The following CACNA1E variants were observed in gnomAD, a reference collection of about 807,000 sequenced individuals.
The protein encoded by CACNA1E is voltage-dependent R-type calcium channel subunit alpha-1E.
CACNA1E carries 40 observed loss-of-function variants against 259.2 expected under a neutral mutation model. The observed-to-expected ratio is 0.15, with a 90% CI of 0.12 to 0.20. The LOEUF (loss-of-function observed/expected upper bound fraction) is 0.20, where lower values mean the gene tolerates loss of function less well. CACNA1E is among the 10% of genes least tolerant of loss of function. The pLI is 1.00. For synonymous variants in CACNA1E, 1,104 were observed against 1,138.5 expected (o/e 0.97, Z 0.61); for missense variants, 1,874 against 3,040.1 (o/e 0.62, Z 9.02).
rs1039597242 is a variant in CACNA1E at position 181,461,760 on chromosome 1, C to T, written c.435-21984C>T. Among the ~76,000 whole-genome samples the T allele has an allele frequency of 4.6e-5, 7 of 151,794 alleles. No homozygotes were observed. In the South Asian group the frequency reaches 1.5e-3, roughly 32 times the overall value. On this transcript the variant is annotated intron_variant, in intron 2 of 11. Transcript: ENST00000524607. ...GTGAACAACTCATATGAATCTCAGG[C>T]CCATCTTAGATTTTTTTTTTTTTGG...
At chr1:181,695,954 C>G (rs543299997) in intron 7 of CACNA1E, among the ~76,000 whole-genome samples, 1 of 152,258 alleles carries the variant, frequency 6.6e-6, no homozygotes, top group East Asian at 1.9e-4. Flanking sequence ...GACCCTGTCT[C>G]TAATAAATAA....
chr1:181,778,669 G>T (rs1400656377), intron 38 of CACNA1E, among the ~76,000 whole-genome samples: 1 of 152,066 alleles, frequency 6.6e-6, no homozygotes, highest in Non-Finnish European at 1.5e-5. Context: ...CTCTCTAATG[G>T]GCTCCTGGGA....
At position 181,511,430 on chromosome 1, in the gene CACNA1E, G is replaced by A; in HGVS notation, c.432G>A (p.Val144=). 6.2e-7 allele frequency: 1 copy of A among 1,613,972 alleles called. No individual in the cohort carries two copies. The highest frequency in any genetic ancestry group is 8.5e-7 in the Non-Finnish European group (1 of 1,179,868). The change falls in exon 3 of 48, where the codon GTG becomes GTA. Residue 144 remains valine (V), a synonymous_variant. Coordinates refer to ENST00000367573, the MANE Select transcript of CACNA1E (RefSeq NM_001205293.3). The part of the protein sequence containing the change: ...IFCFEAGIKI[V]ALGFIFHKGS... ...GCTTTGAAGCTGGGATCAAAATTGT[G>A]GCCCTGGGGTTCATCTTCCATAAGG...
chr1:181,578,817 T>C (rs1651233122), intron 4 of CACNA1E, among the ~76,000 whole-genome samples: 1 of 152,210 alleles, frequency 6.6e-6, no homozygotes, highest in Non-Finnish European at 1.5e-5. Context: ...TAATTGTGCT[T>C]CCCCAACAGA....
chr1:181,529,862 C>T (rs1454077885), intron 3 of CACNA1E, among the ~76,000 whole-genome samples: 2 of 152,140 alleles, frequency 1.3e-5, no homozygotes, highest in East Asian at 1.9e-4. Context: ...AAGGGACTTG[C>T]CTTGCCTCAG....
intron 8 of CACNA1E, among the ~76,000 whole-genome samples, chr1:181,711,302 A>T (rs187957950): frequency 7.7e-4 from 117 of 152,314 alleles, no homozygotes; most frequent in African/African-American, 2.7e-3. Flanking sequence ...TAGCAAGGTG[A>T]ACTGAGTAAA....
At chr1:181,735,977 AC>A in intron 21 of CACNA1E, among the ~76,000 whole-genome samples, 1 of 152,202 alleles carries the variant, frequency 6.6e-6, no homozygotes, top group Non-Finnish European at 1.5e-5. Flanking sequence ...TATAACAGAA[AC>A]ATCATGTTGT....
Position 181,616,712 on chromosome 1 carries a change from CA to C in CACNA1E, c.952-34619del, listed in dbSNP as rs1223225948. On this transcript the variant is annotated intron_variant, in intron 6 of 47. Coordinates refer to ENST00000367573, the MANE Select transcript of CACNA1E (RefSeq NM_001205293.3). ...CTGGTGACAGAGCAAGACTCCATCT[CA>C]AAAAAACAAAACAAAACAAACAAAC... 2.7e-5 allele frequency among the ~76,000 whole-genome samples: 4 copies of C among 149,964 alleles called. No homozygotes were observed. In the South Asian group the frequency reaches 6.4e-4, roughly 24 times the overall value.
intron 7 of CACNA1E, among the ~76,000 whole-genome samples, chr1:181,705,269 C>T (rs931000394): frequency 6.6e-6 from 1 of 152,324 alleles, no homozygotes; most frequent in East Asian, 1.9e-4. Flanking sequence ...ATGTTTTGGG[C>T]ATTCTACCTT....
chr1:181,377,866 G>T (rs777443913), intron 1 of CACNA1E, among the ~76,000 whole-genome samples: 8 of 152,290 alleles, frequency 5.3e-5, no homozygotes, highest in Non-Finnish European at 1.0e-4. Context: ...AGGCAGTCTG[G>T]CTCCAGCATT....
At position 181,427,276 on chromosome 1, in the gene CACNA1E, T is replaced by C. The variant is rs147889797; in HGVS notation, c.434+13696T>C. The stretch of plus-strand genomic sequence containing the variant: ...CTCACCCATCTCAACCTCTGCCCCA[T>C]CTCAACCTCACTCATCTCAACTCCT... On this transcript the variant is annotated intron_variant, in intron 2 of 11. Coordinates refer to the CACNA1E transcript ENST00000524607. Among the ~76,000 whole-genome samples the C allele has an allele frequency of 5.6e-3, 834 of 147,890 alleles. 8 individuals carry two copies. The highest frequency in any genetic ancestry group is 0.02 in the African/African-American group (793 of 39,888).
intron 2 of CACNA1E, among the ~76,000 whole-genome samples, chr1:181,427,189 C>G (rs1477552963): frequency 6.6e-6 from 1 of 151,728 alleles, no homozygotes; most frequent in South Asian, 2.1e-4. Context: ...CTATTTCACC[C>G]TCTCCCCATC....
At chr1:181,607,040 C>A (rs190500025) in intron 6 of CACNA1E, among the ~76,000 whole-genome samples, 6 of 152,272 alleles carry the variant, frequency 3.9e-5, no homozygotes, top group Non-Finnish European at 7.3e-5. Flanking sequence ...TGTTTAATAC[C>A]ATTCTACCTA....
intron 1 of CACNA1E, among the ~76,000 whole-genome samples, chr1:181,491,440 A>T (rs1289371754): frequency 6.6e-6 from 1 of 152,180 alleles, no homozygotes; most frequent in Non-Finnish European, 1.5e-5. Flanking sequence ...TTCCCAGGTG[A>T]TATTCATGCT....
intron 1 of CACNA1E, among the ~76,000 whole-genome samples, chr1:181,357,900 G>A (rs1160491632): frequency 1.3e-5 from 2 of 152,180 alleles, no homozygotes; most frequent in Non-Finnish European, 2.9e-5. Context: ...CCAGTGAGGG[G>A]TGTTTCTCTG....
At chr1:181,787,659 C>A (rs1042806468) in intron 43 of CACNA1E, among the ~76,000 whole-genome samples, 1 of 152,156 alleles carries the variant, frequency 6.6e-6, no homozygotes, top group Non-Finnish European at 1.5e-5. Context: ...GAAGAAATTA[C>A]AAGAGCAATA....
At chr1:181,331,080 A>G (rs1337385946) in intron 1 of CACNA1E, among the ~76,000 whole-genome samples, 2 of 152,160 alleles carry the variant, frequency 1.3e-5, no homozygotes, top group African/African-American at 4.8e-5. Context: ...GCCCAATAAA[A>G]GTAGATTAAA....
At chr1:181,588,132 G>T (rs1166506462) in intron 6 of CACNA1E, among the ~76,000 whole-genome samples, 1 of 152,198 alleles carries the variant, frequency 6.6e-6, no homozygotes, top group Admixed American at 6.5e-5. Flanking sequence ...GGCCCTCTGT[G>T]GCACCACTCC....
intron 6 of CACNA1E, among the ~76,000 whole-genome samples, chr1:181,634,909 C>T (rs534265518): frequency 3.9e-5 from 6 of 152,350 alleles, no homozygotes; most frequent in African/African-American, 4.8e-5. Context: ...CCTGCCTCTA[C>T]GATGGGCTCT....
Sources: gnomAD v4.1 joint callset for allele counts (sites outside exome capture counted in the v4.1 genomes callset) on GRCh38, gnomAD v4.1.1 for gene constraint, MANE v1.5 for transcripts, NCBI Gene and HGNC (gene_info 2026-07-23, HGNC 2026-07-21) for gene names.